Variants in CPNE1 observed in about 807,000 individuals in gnomAD.
CPNE1 encodes the protein copine-1.
A neutral mutation model predicts 63.2 loss-of-function variants in CPNE1; 58 were observed. The observed-to-expected ratio is 0.92, with a 90% CI of 0.74 to 1.14. The LOEUF (loss-of-function observed/expected upper bound fraction) is 1.14, where lower values mean the gene tolerates loss of function less well. Among genes scored for constraint, CPNE1 ranks in the 50% most tolerant of loss-of-function variants. The pLI, the probability that CPNE1 is intolerant of heterozygous loss-of-function variation, is 0.00. For missense variants in CPNE1, 672 were observed against 661.7 expected, an observed-to-expected ratio of 1.02 and a Z score of -0.17; for synonymous variants, 237 against 249.0, an observed-to-expected ratio of 0.95 and a Z score of 0.45.
At chr20:35,628,178 G>C (rs900052134) in intron 13 of CPNE1, among the ~76,000 whole-genome samples, 4 of 151,964 alleles carry the variant, frequency 2.6e-5, no homozygotes, top group Non-Finnish European at 5.9e-5. Flanking sequence ...CCAGCTACTC[G>C]GGAGGCTGAG....
intron 1 of CPNE1, among the ~76,000 whole-genome samples, chr20:35,656,767 A>C (rs190666714): frequency 6.8e-6 from 1 of 147,436 alleles, no homozygotes; most frequent in Non-Finnish European, 1.5e-5. Flanking sequence ...TCAGTCTTCC[A>C]AAGTGCTGGG....
At chr20:35,661,439 A>AC (rs1414343962) in intron 1 of CPNE1, among the ~76,000 whole-genome samples, 1 of 152,224 alleles carries the variant, frequency 6.6e-6, no homozygotes, top group Admixed American at 6.5e-5. Context: ...CATCTAAAAT[A>AC]CATATTCTAT....
chr20:35,630,753 G>C lies in CPNE1; in HGVS notation c.1038C>G (p.Pro346=), dbSNP rs746619771. 8.7e-6 allele frequency: 14 copies of C among 1,614,008 alleles called. 2 individuals are homozygous for C. The South Asian group carries it at 1.5e-4, about 18-fold the overall frequency. Residue 346 remains proline, a synonymous_variant, in exon 12 of 16, where the codon CCC becomes CCG. Coordinates refer to ENST00000397443, the MANE Select transcript of CPNE1 (RefSeq NM_152925.3). ...FPAFGFGAQV[P]PDWQVSHEFA... ...AGAGGGAGCTCACCTGCCAGTCAGG[G>C]GGAACCTGGGCCCCAAATCCAAATG...
intron 1 of CPNE1, among the ~76,000 whole-genome samples, chr20:35,656,069 A>C (rs1245171526): frequency 6.6e-6 from 1 of 152,244 alleles, no homozygotes; most frequent in Non-Finnish European, 1.5e-5. Context: ...AATCTGAGTT[A>C]CCTTGATTCA....
chr20:35,632,531 A>G lies in CPNE1; in HGVS notation c.295T>C (p.Cys99Arg), dbSNP rs146597334. Residue 99 changes from cysteine to arginine, a missense_variant, in exon 3 of 16, where the codon TGT becomes CGT. Transcript: ENST00000397443. Reference protein sequence around the residue: ...RDDDFLGGAECSLGQIVSSQV... With the variant: ...RDDDFLGGAERSLGQIVSSQV... ...GCCCTACATACCTGTCCTAGGGAAC[A>G]CTCAGCACCCCCTAGGAAGTCATCA... The G allele has an allele frequency of 6.8e-6, 11 of 1,613,394 alleles. No individual in the cohort carries two copies. Among genetic ancestry groups the G allele is most frequent in the Non-Finnish European group, 9.3e-6 (11 of 1,179,678 alleles).
intron 1 of CPNE1, chr20:35,655,059 C>T (rs767562243): frequency 1.1e-5 from 17 of 1,614,106 alleles, no homozygotes; most frequent in Non-Finnish European, 1.4e-5. Context: ...TTTCAAAACG[C>T]CTACGACTCA....
At chr20:35,658,411 G>C (rs911323864) in intron 1 of CPNE1, among the ~76,000 whole-genome samples, 5 of 152,070 alleles carry the variant, frequency 3.3e-5, no homozygotes, top group Non-Finnish European at 5.9e-5. Flanking sequence ...GACCCCCAAA[G>C]GAACAACTGT....
intron 2 of CPNE1, 23 bp from the exon 3 acceptor site, chr20:35,632,719 A>T (rs752059908): frequency 1.1e-6 from 1 of 896,364 alleles, no homozygotes. Flanking sequence ...GCCAGTAAGC[A>T]TCACAGTCAC....
At chr20:35,651,104 A>G (rs1356970733) in intron 1 of CPNE1, 1 of 152,208 alleles carries the variant, frequency 6.6e-6, no homozygotes, top group Non-Finnish European at 1.5e-5. Context: ...CCATAATTAG[A>G]GCCTTTTATG....
chr20:35,649,175 A>G (rs992262125), intron 1 of CPNE1: 1 of 152,262 alleles, frequency 6.6e-6, no homozygotes, highest in Non-Finnish European at 1.5e-5. Flanking sequence ...AATAATTTTT[A>G]AAGTGACCAC....
chr20:35,633,386 T>C (rs186049798), intron 1 of CPNE1, among the ~76,000 whole-genome samples: 11 of 152,306 alleles, frequency 7.2e-5, no homozygotes, highest in Admixed American at 2.0e-4. Context: ...CCACAAATTA[T>C]CTTCTTCCAA....
intron 1 of CPNE1, among the ~76,000 whole-genome samples, chr20:35,655,569 T>C (rs2033846183): frequency 6.6e-6 from 1 of 152,234 alleles, no homozygotes; most frequent in Non-Finnish European, 1.5e-5. Context: ...TGGAAACAGT[T>C]CAGTCCCAAG....
In CPNE1 at chr20:35,630,969, A is replaced by G; in HGVS notation, c.927T>C (p.Ser309=). The G allele has an allele frequency of 6.2e-7, 1 of 1,614,060 alleles. No individual in the cohort carries two copies. The highest frequency in any genetic ancestry group is 8.5e-7 in the Non-Finnish European group (1 of 1,179,956). The change falls in exon 11 of 16, where the codon AGT becomes AGC. Residue 309 remains serine, a synonymous_variant. Coordinates refer to ENST00000397443, the MANE Select transcript of CPNE1 (RefSeq NM_152925.3). ...PSSPDSLHYL[S]PTGVNEYLMA... ...TCAGGTACTCATTGACCCCTGTTGG[A>G]CTCAGGTAGTGTAGGGAGTCAGGTG...
intron 8 of CPNE1, 40 bp from the exon 9 acceptor site, chr20:35,631,394 G>C (rs375483617): frequency 1.1e-5 from 17 of 1,608,940 alleles, no homozygotes; most frequent in Non-Finnish European, 1.4e-5. Context: ...AATTCTCAGA[G>C]CATCAGTCAA....
chr20:35,648,433 G>A (rs1486181755), intron 1 of CPNE1, among the ~76,000 whole-genome samples: 1 of 152,182 alleles, frequency 6.6e-6, no homozygotes, highest in Non-Finnish European at 1.5e-5. Context: ...AAGAAAAGGA[G>A]ACATATTATC....
chr20:35,653,853 A>C, intron 1 of CPNE1: 1 of 1,613,980 alleles, frequency 6.2e-7, no homozygotes, highest in Non-Finnish European at 8.5e-7. Flanking sequence ...ACTGTTTATG[A>C]CGACACAGAG....
At chr20:35,629,694 C>T (rs944985839) in intron 13 of CPNE1, among the ~76,000 whole-genome samples, 5 of 151,374 alleles carry the variant, frequency 3.3e-5, no homozygotes, top group Non-Finnish European at 7.4e-5. Context: ...ACTCTATCAC[C>T]CAGGCTGGAG....
chr20:35,654,691 G>A, intron 1 of CPNE1: 3 of 1,613,780 alleles, frequency 1.9e-6, no homozygotes, highest in East Asian at 2.2e-5. Context: ...TACTGGAGGA[G>A]GAACTGGAAT....
intron 1 of CPNE1, among the ~76,000 whole-genome samples, chr20:35,638,334 T>C (rs568690540): frequency 1.5e-4 from 23 of 152,288 alleles, no homozygotes; most frequent in African/African-American, 4.6e-4. Flanking sequence ...TGATAGTCAA[T>C]TAAAATGGGC....
Sources: allele counts gnomAD v4.1 joint callset (sites outside exome capture counted in the v4.1 genomes callset), GRCh38; gene constraint gnomAD v4.1.1; transcripts MANE v1.5; gene names NCBI Gene and HGNC (gene_info 2026-07-23, HGNC 2026-07-21).